PXDNL: variants seen among roughly 807,000 people sequenced by gnomAD.
The protein encoded by PXDNL is probable oxidoreductase PXDNL.
A neutral mutation model predicts 150.8 loss-of-function variants in PXDNL; 145 were observed. That is an observed-to-expected ratio of 0.96 (90% confidence interval 0.84 to 1.10). PXDNL has a LOEUF of 1.10. Ranked by LOEUF, PXDNL falls within the 50% of genes least tolerant of loss-of-function variation. The pLI is 0.00. For synonymous variants in PXDNL, 757 were observed against 725.7 expected, an observed-to-expected ratio of 1.04 and a Z score of -0.69; for missense variants, 2,087 against 1,873.9, an observed-to-expected ratio of 1.11 and a Z score of -2.10.
intron 2 of PXDNL, among the ~76,000 whole-genome samples, chr8:51,651,943 C>A (rs1815049306): frequency 4.6e-5 from 7 of 152,174 alleles, no homozygotes. Context: ...TAGGCTCCAG[C>A]AATACATAAC....
At position 51,472,197 on chromosome 8, in the gene PXDNL, T is replaced by G. The variant is rs773631417; in HGVS notation, c.802A>C (p.Ile268Leu). The change falls in exon 8 of 23, where the codon ATA becomes CTA. Residue 268 changes from isoleucine (I) to leucine (L), a missense_variant. Physicochemically the swap from Ile to Leu is conservative, Grantham distance 5. Coordinates refer to ENST00000356297, the MANE Select transcript of PXDNL (RefSeq NM_144651.5). ...EGNPKPEIIW[I>L]HNNHSLDLED... ...ATGCTCAGTATTTACTTGTTGTGTA[T>G]CCAAATAATCTCAGGTTTGGGGTTT... The G allele has an allele frequency of 5.0e-6, 8 of 1,608,686 alleles. No homozygotes were observed. Among genetic ancestry groups the G allele is most frequent in the South Asian group, 4.4e-5 (4 of 90,946 alleles).
At chr8:51,673,134 TG>T (rs1362852106) in intron 1 of PXDNL, among the ~76,000 whole-genome samples, 2 of 152,206 alleles carry the variant, frequency 1.3e-5, no homozygotes, top group Non-Finnish European at 2.9e-5. Flanking sequence ...TATGTTTAAC[TG>T]AACTAAGTGA....
intron 4 of PXDNL, among the ~76,000 whole-genome samples, chr8:51,508,990 C>T (rs1011151933): frequency 6.6e-6 from 1 of 152,118 alleles, no homozygotes; most frequent in Non-Finnish European, 1.5e-5. Flanking sequence ...CATCCCAAAC[C>T]TACCCTACTG....
chr8:51,342,620 C>G (rs923788353), intron 20 of PXDNL, among the ~76,000 whole-genome samples: 1 of 152,090 alleles, frequency 6.6e-6, no homozygotes, highest in Non-Finnish European at 1.5e-5. Flanking sequence ...ATGCCCTCTG[C>G]CTGGGAGCAG....
At chr8:51,427,168 C>T (rs1315588240) in intron 12 of PXDNL, among the ~76,000 whole-genome samples, 2 of 152,078 alleles carry the variant, frequency 1.3e-5, no homozygotes, top group African/African-American at 4.8e-5. Flanking sequence ...CCTCAAAAAA[C>T]ACAAACTACC....
At chr8:51,535,562 C>A (rs1812051471) in intron 4 of PXDNL, among the ~76,000 whole-genome samples, 1 of 128,288 alleles carries the variant, frequency 7.8e-6, no homozygotes, top group African/African-American at 3.3e-5. Flanking sequence ...TCTTAAGTAC[C>A]CAGGGACACA....
At chr8:51,369,920 G>C (rs749653513) in intron 19 of PXDNL, among the ~76,000 whole-genome samples, 9 of 152,094 alleles carry the variant, frequency 5.9e-5, no homozygotes, top group Non-Finnish European at 1.0e-4. Context: ...GCCCTCCTCC[G>C]AGTCTTCAAC....
chr8:51,329,661 A>AT (rs1205295620), intron 21 of PXDNL, among the ~76,000 whole-genome samples: 1 of 152,224 alleles, frequency 6.6e-6, no homozygotes, highest in Non-Finnish European at 1.5e-5. Flanking sequence ...TCAGGAAAAC[A>AT]TGGGTAATGT....
chr8:51,556,245 C>G (rs1461581316), intron 4 of PXDNL, among the ~76,000 whole-genome samples: 2 of 151,676 alleles, frequency 1.3e-5, no homozygotes, highest in South Asian at 2.1e-4. Flanking sequence ...GTCTGGGCAA[C>G]AGAGAGAGAC....
At chr8:51,635,679 G>C (rs966527358) in intron 2 of PXDNL, among the ~76,000 whole-genome samples, 7 of 151,926 alleles carry the variant, frequency 4.6e-5, no homozygotes, top group African/African-American at 1.7e-4. Context: ...TGAGTGGGGG[G>C]CGAAGTACTT....
At chr8:51,628,456 A>T (rs1277788373) in intron 2 of PXDNL, among the ~76,000 whole-genome samples, 1 of 110,968 alleles carries the variant, frequency 9.0e-6, no homozygotes, top group Non-Finnish European at 1.7e-5. Flanking sequence ...CCCAGGCTGG[A>T]GTACAGTGGC....
At chr8:51,610,411 T>C (rs2130712178) in intron 2 of PXDNL, among the ~76,000 whole-genome samples, 1 of 152,340 alleles carries the variant, frequency 6.6e-6, no homozygotes, top group Non-Finnish European at 1.5e-5. Context: ...TTTGCTATTA[T>C]AATTCTATTA....
intron 4 of PXDNL, among the ~76,000 whole-genome samples, chr8:51,541,871 G>A (rs1425670512): frequency 1.3e-5 from 2 of 152,060 alleles, no homozygotes; most frequent in Non-Finnish European, 2.9e-5. Flanking sequence ...CAACACTGCC[G>A]TTTCATGTTT....
chr8:51,477,750 C>T (rs1810514178), intron 6 of PXDNL, among the ~76,000 whole-genome samples: 1 of 152,180 alleles, frequency 6.6e-6, no homozygotes, highest in Admixed American at 6.5e-5. Flanking sequence ...GGCAGCCTCA[C>T]CATGCAATTG....
At chr8:51,641,239 A>AG (rs1646281819) in intron 2 of PXDNL, among the ~76,000 whole-genome samples, 1 of 149,220 alleles carries the variant, frequency 6.7e-6, no homozygotes, top group African/African-American at 2.5e-5. Flanking sequence ...TTAGACCTAA[A>AG]CCATAAAAAC....
intron 16 of PXDNL, among the ~76,000 whole-genome samples, chr8:51,410,768 C>A (rs964223501): frequency 5.9e-5 from 9 of 151,982 alleles, no homozygotes; most frequent in African/African-American, 9.7e-5. Context: ...AAGAAATACA[C>A]AAGAACTTGG....
At chr8:51,474,278 T>G (rs954055404) in intron 7 of PXDNL, among the ~76,000 whole-genome samples, 10 of 152,170 alleles carry the variant, frequency 6.6e-5, no homozygotes, top group Non-Finnish European at 1.5e-4. Context: ...TTATTTCTAT[T>G]TAAACCGAAA....
rs1293924385 is a variant in PXDNL at position 51,770,934 on chromosome 8, C to T, written c.164+38247G>A. Among the ~76,000 whole-genome samples, 3 of 152,246 alleles carry T rather than the reference C, an allele frequency of 2.0e-5. No individual in the cohort carries two copies. In the East Asian group the frequency reaches 5.8e-4, roughly 29 times the overall value. On this transcript the variant is annotated intron_variant, in intron 1 of 22. Coordinates refer to ENST00000356297, the MANE Select transcript of PXDNL (RefSeq NM_144651.5). ...CACTACTGCACACCACACCATCTTC[C>T]CACAAAAGGAAAGTGCTGTTCCCAC...
intron 1 of PXDNL, among the ~76,000 whole-genome samples, chr8:51,719,706 TA>T (rs975967845): frequency 6.6e-5 from 10 of 151,680 alleles, no homozygotes; most frequent in African/African-American, 2.4e-4. Flanking sequence ...ATGATTTTTT[TA>T]AAAAAATATT....
Sources: gnomAD v4.1 joint callset for allele counts (sites outside exome capture counted in the v4.1 genomes callset) on GRCh38, gnomAD v4.1.1 for gene constraint, MANE v1.5 for transcripts, NCBI Gene and HGNC (gene_info 2026-07-23, HGNC 2026-07-21) for gene names.